CAMK2D: variants seen among roughly 807,000 people sequenced by gnomAD.
The protein encoded by CAMK2D is calcium/calmodulin-dependent protein kinase type II subunit delta.
A neutral mutation model predicts 84.0 loss-of-function variants in CAMK2D; 37 were observed. The observed-to-expected ratio is 0.44, with a 90% CI of 0.34 to 0.58. The LOEUF is 0.58. Among genes scored for constraint, CAMK2D ranks in the 20% least tolerant of loss-of-function variants. The pLI, the probability that CAMK2D is intolerant of heterozygous loss-of-function variation, is 0.02. For missense variants in CAMK2D, 448 were observed against 652.5 expected (o/e 0.69, Z 3.41); for synonymous variants, 202 against 212.5 (o/e 0.95, Z 0.43).
intron 4 of CAMK2D, among the ~76,000 whole-genome samples, chr4:113,566,325 C>T (rs1316188456): frequency 6.6e-6 from 1 of 152,128 alleles, no homozygotes; most frequent in Non-Finnish European, 1.5e-5. Context: ...GTCCAATTTA[C>T]CTTTTGAAGA....
chr4:113,708,242 T>C (rs1041348447), intron 2 of CAMK2D, among the ~76,000 whole-genome samples: 1 of 152,216 alleles, frequency 6.6e-6, no homozygotes, highest in Non-Finnish European at 1.5e-5. Context: ...TTACTAGTCA[T>C]CATGGCTCAC....
chr4:113,618,835 A>G (rs572202661), intron 3 of CAMK2D, among the ~76,000 whole-genome samples: 2 of 152,308 alleles, frequency 1.3e-5, no homozygotes, highest in East Asian at 3.9e-4. Context: ...AATACTAGTA[A>G]ATATAGCTGC....
chr4:113,470,129 C>G (rs774340550), intron 16 of CAMK2D, among the ~76,000 whole-genome samples: 3 of 151,960 alleles, frequency 2.0e-5, no homozygotes, highest in Non-Finnish European at 2.9e-5. Context: ...CAAAACCTTG[C>G]GTAATCTGGA....
intron 6 of CAMK2D, 52 bp downstream of exon 6, chr4:113,547,592 A>G (rs554808234): frequency 4.9e-5 from 58 of 1,179,876 alleles, no homozygotes; most frequent in Non-Finnish European, 6.6e-5. Flanking sequence ...TTGCAGCTGA[A>G]CAGTCATTAG....
intron 6 of CAMK2D, among the ~76,000 whole-genome samples, chr4:113,544,431 A>G (rs940009495): frequency 6.6e-6 from 1 of 152,178 alleles, no homozygotes; most frequent in Non-Finnish European, 1.5e-5. Context: ...AACCAACTAA[A>G]TTGAGAAGTA....
At chr4:113,497,588 T>C (rs1401227705) in intron 16 of CAMK2D, among the ~76,000 whole-genome samples, 1 of 152,226 alleles carries the variant, frequency 6.6e-6, no homozygotes, top group Non-Finnish European at 1.5e-5. Flanking sequence ...AAAAACTTTG[T>C]TGTTAGTTTA....
chr4:113,700,497 C>T (rs931124896), intron 2 of CAMK2D, among the ~76,000 whole-genome samples: 2 of 152,072 alleles, frequency 1.3e-5, no homozygotes, highest in Admixed American at 1.3e-4. Flanking sequence ...TAACAAAGGG[C>T]CCTCCTCCTT....
chr4:113,504,546 T>C (rs1411985618), intron 14 of CAMK2D, among the ~76,000 whole-genome samples: 1 of 152,224 alleles, frequency 6.6e-6, no homozygotes, highest in South Asian at 2.1e-4. Context: ...TACTTTCATG[T>C]TGTCTAGCAA....
At chr4:113,559,115 C>T (rs144475919) in intron 4 of CAMK2D, among the ~76,000 whole-genome samples, 1 of 151,522 alleles carries the variant, frequency 6.6e-6, no homozygotes, top group Non-Finnish European at 1.5e-5. Flanking sequence ...TGAAAGAAAT[C>T]GCTGTATATG....
At chr4:113,628,309 T>C (rs756943195) in intron 3 of CAMK2D, among the ~76,000 whole-genome samples, 11 of 152,126 alleles carry the variant, frequency 7.2e-5, no homozygotes, top group East Asian at 1.9e-4. Flanking sequence ...TACTAGAAGA[T>C]TGGCTTCCAT....
At chr4:113,713,114 T>C (rs1593419344) in intron 2 of CAMK2D, among the ~76,000 whole-genome samples, 1 of 152,158 alleles carries the variant, frequency 6.6e-6, no homozygotes, top group Middle Eastern at 3.4e-3. Flanking sequence ...ACAGTTTATT[T>C]TAGGCATTAC....
At position 113,458,624 on chromosome 4, in the gene CAMK2D, G is replaced by A. The variant is rs866733385; in HGVS notation, c.1307-1061C>T. ...AACATGAGATGCTATCAGAACACTG[G>A]AATATAGGGAATATGATAACATTTA... On this transcript the variant is annotated intron_variant, in intron 18 of 20. Coordinates refer to ENST00000511664, the MANE Select transcript of CAMK2D (RefSeq NM_001321571.2). Among the ~76,000 whole-genome samples the A allele has an allele frequency of 3.3e-5, 5 of 152,154 alleles. No individual in the cohort carries two copies. In the South Asian group the frequency reaches 1.0e-3, roughly 32 times the overall value.
At chr4:113,678,893 G>C (rs549461293) in intron 2 of CAMK2D, among the ~76,000 whole-genome samples, 8 of 152,212 alleles carry the variant, frequency 5.3e-5, no homozygotes, top group African/African-American at 1.7e-4. Context: ...ACACACATGT[G>C]ATCAGCACAC....
chr4:113,509,146 C>G (rs1041887832), intron 13 of CAMK2D, among the ~76,000 whole-genome samples: 1 of 152,150 alleles, frequency 6.6e-6, no homozygotes, highest in Admixed American at 6.5e-5. Flanking sequence ...CACCTTATGA[C>G]AGAAACAAGG....
chr4:113,661,410 C>G (rs1310317169), intron 3 of CAMK2D, among the ~76,000 whole-genome samples: 2 of 152,076 alleles, frequency 1.3e-5, no homozygotes, highest in Non-Finnish European at 2.9e-5. Context: ...TTAAATTACA[C>G]TCAGGTTTTC....
chr4:113,555,500 A>G lies in CAMK2D; in HGVS notation c.276-3404T>C, dbSNP rs78178758. On this transcript the variant is annotated intron_variant, in intron 4 of 20. Transcript: ENST00000511664. ...GATGAGATTGCCAGACCTGAAATCC[A>G]AGCGTTTGAGCAGTGGTAACAGAGG... Among the ~76,000 whole-genome samples, 1,461 of 152,294 alleles carry G rather than the reference A, an allele frequency of 9.6e-3. 28 individuals carry two copies. Among genetic ancestry groups the G allele is most frequent in the African/African-American group, 0.034 (1,409 of 41,562 alleles).
intron 4 of CAMK2D, among the ~76,000 whole-genome samples, chr4:113,562,909 C>G (rs1003893643): frequency 6.6e-6 from 1 of 152,176 alleles, no homozygotes; most frequent in African/African-American, 2.4e-5. Flanking sequence ...TTAGTAGTAG[C>G]TTTGTCACTA....
chr4:113,692,735 C>T lies in CAMK2D; in HGVS notation c.161-30963G>A, dbSNP rs561983846. Among the ~76,000 whole-genome samples, 29 of 150,748 alleles carry T rather than the reference C, an allele frequency of 1.9e-4. No individual in the cohort carries two copies. In the East Asian group the frequency reaches 2.1e-3, roughly 11 times the overall value. On this transcript the variant is annotated intron_variant, in intron 2 of 20. Transcript: ENST00000511664. ...TCATATATACATACATATATTCATA[C>T]ATACATATTCATATATACATACATA...
At chr4:113,672,738 C>A (rs1444372266) in intron 2 of CAMK2D, among the ~76,000 whole-genome samples, 2 of 151,236 alleles carry the variant, frequency 1.3e-5, no homozygotes, top group African/African-American at 4.9e-5. Flanking sequence ...TCTTTGTTTA[C>A]CACATTTGTG....
Sources: gnomAD v4.1 joint callset for allele counts (sites outside exome capture counted in the v4.1 genomes callset) on GRCh38, gnomAD v4.1.1 for gene constraint, MANE v1.5 for transcripts, NCBI Gene and HGNC (gene_info 2026-07-23, HGNC 2026-07-21) for gene names.